The following CTNNBL1 variants were observed in gnomAD, a reference collection of about 807,000 sequenced individuals.
CTNNBL1 encodes beta-catenin-like protein 1.
Under a neutral mutation model 72.7 loss-of-function variants are expected in CTNNBL1, and 31 were observed. The ratio of observed to expected loss-of-function variants is 0.43; its 90% CI spans 0.32 to 0.58. CTNNBL1 has a LOEUF of 0.58. CTNNBL1 is among the 20% of genes least tolerant of loss of function. The pLI is 0.08. For synonymous variants in CTNNBL1, 240 were observed against 267.3 expected, an observed-to-expected ratio of 0.90 and a Z score of 1.00; for missense variants, 534 against 725.1, an observed-to-expected ratio of 0.74 and a Z score of 3.03.
At chr20:37,724,751 GT>G (rs1568752272) in intron 1 of CTNNBL1, among the ~76,000 whole-genome samples, 1 of 152,086 alleles carries the variant, frequency 6.6e-6, no homozygotes, top group African/African-American at 2.4e-5. Flanking sequence ...CATAATCTCT[GT>G]CTCCCCTCTC....
rs2072555790 is a variant in CTNNBL1 at position 37,868,473 on chromosome 20, C to CACAT, written c.1604-3451_1604-3450insCATA. Among the ~76,000 whole-genome samples the CACAT allele has an allele frequency of 2.6e-5, 4 of 152,260 alleles. No homozygotes were observed. In the South Asian group the frequency reaches 8.3e-4, roughly 32 times the overall value. ...TACATGTGAGACAACCTAGAAAATG[C>CACAT]AGGCACATAGCAGTGCACAGCACAT... is the stretch of plus-strand genomic sequence containing the variant. On this transcript the variant is annotated intron_variant, in intron 15 of 15. Transcript: ENST00000361383.
chr20:37,721,417 G>T (rs2073039804), intron 1 of CTNNBL1, among the ~76,000 whole-genome samples: 1 of 152,196 alleles, frequency 6.6e-6, no homozygotes, highest in South Asian at 2.1e-4. Flanking sequence ...CCCTGTGAGT[G>T]TTATAAACCC....
In CTNNBL1 at chr20:37,801,258, C is replaced by CT. The variant is rs574436843; in HGVS notation, c.1032-1599dup. On this transcript the variant is annotated intron_variant, in intron 10 of 15. Transcript: ENST00000361383. Reference sequence around the variant, plus strand: ...ATTACTTTGGTCTCCCCAGATTTAGCTTTTTTTTTTGGAAGCAGAACCCAT... The same window carrying CT: ...ATTACTTTGGTCTCCCCAGATTTAGCTTTTTTTTTTTGGAAGCAGAACCCAT... Among the ~76,000 whole-genome samples, 322 of 148,062 alleles carry CT rather than the reference C, an allele frequency of 2.2e-3. 1 individual carries two copies. Among genetic ancestry groups the CT allele is most frequent in the African/African-American group, 6.0e-3 (244 of 40,468 alleles).
At chr20:37,856,486 T>G (rs890933879) in intron 13 of CTNNBL1, among the ~76,000 whole-genome samples, 2 of 151,880 alleles carry the variant, frequency 1.3e-5, no homozygotes, top group African/African-American at 4.8e-5. Context: ...TGATAGAGAC[T>G]GAGGAGTGGG....
At chr20:37,818,074 G>A (rs188478951) in intron 11 of CTNNBL1, among the ~76,000 whole-genome samples, 1 of 152,312 alleles carries the variant, frequency 6.6e-6, no homozygotes, top group Admixed American at 6.5e-5. Flanking sequence ...CAGAACTGGA[G>A]TCATTTAGGA....
At position 37,719,406 on chromosome 20, in the gene CTNNBL1, A is replaced by G. The variant is rs1262507918; in HGVS notation, c.31-13473A>G. On this transcript the variant is annotated intron_variant, in intron 1 of 15. Transcript: ENST00000361383. ...CATGGTCCCTTTGTTCTCTATGCCC[A>G]CTCAGCCACAGCGCTAACCGGAAGG... 3.9e-5 allele frequency among the ~76,000 whole-genome samples: 6 copies of G among 152,256 alleles called. No individual in the cohort carries two copies. The East Asian group carries it at 1.2e-3, about 29-fold the overall frequency.
intron 1 of CTNNBL1, among the ~76,000 whole-genome samples, chr20:37,709,499 A>G (rs1175104372): frequency 6.6e-6 from 1 of 152,236 alleles, no homozygotes; most frequent in African/African-American, 2.4e-5. Context: ...ATAAAAAGAA[A>G]CAAATTGTAG....
At chr20:37,836,654 G>T (rs1042685622) in intron 11 of CTNNBL1, among the ~76,000 whole-genome samples, 4 of 152,162 alleles carry the variant, frequency 2.6e-5, no homozygotes, top group Non-Finnish European at 5.9e-5. Flanking sequence ...TTCACTAAAT[G>T]AGGAGCTTCT....
intron 10 of CTNNBL1, among the ~76,000 whole-genome samples, chr20:37,794,288 A>G (rs2073751007): frequency 6.6e-6 from 1 of 151,834 alleles, no homozygotes; most frequent in South Asian, 2.1e-4. Flanking sequence ...TGAGCTGTAT[A>G]TGACTAAAAA....
At position 37,779,252 on chromosome 20, in the gene CTNNBL1, C is replaced by A; in HGVS notation, c.948C>A (p.Ser316=). The change falls in exon 10 of 16, where the codon TCC becomes TCA. Residue 316 remains serine (S), a synonymous_variant. Transcript: ENST00000361383. ...EQEMMENLFD[S]LCSCLMLSSN... ...AGATGATGGAGAATCTGTTTGATTC[C>A]CTCTGCTCCTGTCTAATGCTTAGTT... 1 of 1,613,710 alleles carries A rather than the reference C, an allele frequency of 6.2e-7. No individual in the cohort carries two copies. Among genetic ancestry groups the A allele is most frequent in the African/African-American group, 1.3e-5 (1 of 74,998 alleles).
chr20:37,748,707 A>T (rs6063538), intron 4 of CTNNBL1, among the ~76,000 whole-genome samples: 49,813 of 152,102 alleles, frequency 0.33, 8,241 homozygotes, highest in African/African-American at 0.36. Context: ...GTGTCTGGTG[A>T]GGGTCTGCTT....
In CTNNBL1 at chr20:37,839,363, G is replaced by A. The variant is rs74970912; in HGVS notation, c.1214-739G>A. 9.0e-3 allele frequency among the ~76,000 whole-genome samples: 1,365 copies of A among 152,268 alleles called. 22 individuals are homozygous for A. Among genetic ancestry groups the A allele is most frequent in the African/African-American group, 0.031 (1,275 of 41,536 alleles). On this transcript the variant is annotated intron_variant, in intron 11 of 15. Transcript: ENST00000361383. ...AAACTTTGTTCTGCCATTTCTCCAC[G>A]AGTAGACTTTTGTCACCTGCTTTTC...
chr20:37,718,410 G>A (rs1432344429), intron 1 of CTNNBL1, among the ~76,000 whole-genome samples: 1 of 142,242 alleles, frequency 7.0e-6, no homozygotes, highest in Admixed American at 6.8e-5. Context: ...GCCGGGCGGG[G>A]GGCTGACCCC....
chr20:37,751,686 G>A (rs1161545143), intron 4 of CTNNBL1: 2 of 152,330 alleles, frequency 1.3e-5, no homozygotes, highest in African/African-American at 4.8e-5. Flanking sequence ...GTAGTCAAGG[G>A]TGCCTTGTGT....
chr20:37,748,235 CAT>C (rs2073285707), intron 4 of CTNNBL1, among the ~76,000 whole-genome samples: 1 of 152,204 alleles, frequency 6.6e-6, no homozygotes, highest in Non-Finnish European at 1.5e-5. Context: ...TGATAATTCT[CAT>C]AGAAATAAAT....
At chr20:37,731,085 T>A (rs2073123903) in intron 1 of CTNNBL1, among the ~76,000 whole-genome samples, 1 of 152,242 alleles carries the variant, frequency 6.6e-6, no homozygotes, top group South Asian at 2.1e-4. Context: ...TACATCAGGC[T>A]AATTAACAAA....
intron 10 of CTNNBL1, among the ~76,000 whole-genome samples, chr20:37,789,969 C>CTGTATAAAG (rs1368226690): frequency 6.6e-6 from 1 of 152,146 alleles, no homozygotes; most frequent in East Asian, 1.9e-4. Context: ...GTGAACCCAT[C>CTGTATAAAG]TTGGTTATTA....
rs368200793 is a variant in CTNNBL1, at chr20:37,737,487, A to G, written c.326+3A>G. 9 of 1,589,478 alleles carry G rather than the reference A, an allele frequency of 5.7e-6. No homozygotes were observed. The highest frequency in any genetic ancestry group is 5.4e-5 in the African/African-American group (4 of 74,428). On this transcript the variant is annotated splice_donor_region_variant and intron_variant, in intron 3 of 15. Transcript: ENST00000361383. ...AAGTTTCCAGACAATCCAGAGAAGT[A>G]AGGTTCTGTTCCACTGATACCATGT...
intron 7 of CTNNBL1, among the ~76,000 whole-genome samples, chr20:37,776,158 G>A (rs764891863): frequency 3.9e-5 from 6 of 152,084 alleles, no homozygotes; most frequent in African/African-American, 1.4e-4. Flanking sequence ...CTTCAAGCTC[G>A]CCCAGGGAGC....
Sources: allele counts gnomAD v4.1 joint callset (sites outside exome capture counted in the v4.1 genomes callset), GRCh38; gene constraint gnomAD v4.1.1; transcripts MANE v1.5; gene names NCBI Gene and HGNC (gene_info 2026-07-23, HGNC 2026-07-21).